NDUFS4: variants seen among roughly 807,000 people sequenced by gnomAD.
The protein encoded by NDUFS4 is NADH dehydrogenase [ubiquinone] iron-sulfur protein 4, mitochondrial.
NDUFS4 carries 28 observed loss-of-function variants against 24.3 expected under a neutral mutation model. The ratio of observed to expected loss-of-function variants is 1.15; its 90% CI spans 0.85 to 1.58. NDUFS4 has a LOEUF of 1.58. Ranked by LOEUF, NDUFS4 falls within the 40% of genes most tolerant of loss-of-function variation. The pLI is 0.00. For synonymous variants in NDUFS4, 93 were observed against 69.7 expected (o/e 1.34, Z -1.67); for missense variants, 223 against 207.9 (o/e 1.07, Z -0.45).
At chr5:53,583,510 G>T (rs1409090677) in intron 1 of NDUFS4, among the ~76,000 whole-genome samples, 1 of 152,130 alleles carries the variant, frequency 6.6e-6, no homozygotes, top group Non-Finnish European at 1.5e-5. Flanking sequence ...TGTGATTTTA[G>T]AATAGCAGAA....
At chr5:53,654,860 G>A (rs1210986740) in intron 3 of NDUFS4, among the ~76,000 whole-genome samples, 1 of 152,118 alleles carries the variant, frequency 6.6e-6, no homozygotes, top group African/African-American at 2.4e-5. Flanking sequence ...GATCTGTTTT[G>A]AATAATATTA....
chr5:53,565,942 G>T (rs545754387), intron 1 of NDUFS4, among the ~76,000 whole-genome samples: 1 of 152,308 alleles, frequency 6.6e-6, no homozygotes, highest in South Asian at 2.1e-4. Flanking sequence ...GGGAGGCCAA[G>T]GCGGGTGGAT....
At position 53,619,623 on chromosome 5, in the gene NDUFS4, G is replaced by A. The variant is rs1440690646; in HGVS notation, c.177+16093G>A. Among the ~76,000 whole-genome samples, 3 of 150,924 alleles carry A rather than the reference G, an allele frequency of 2.0e-5. No individual in the cohort carries two copies. The East Asian group carries it at 5.8e-4, about 29-fold the overall frequency. On this transcript the variant is annotated intron_variant, in intron 2 of 4. Coordinates refer to ENST00000296684, the MANE Select transcript of NDUFS4 (RefSeq NM_002495.4). ...AAACATTAATTTGGAAATGAAGAAA[G>A]CATAATGAAGAAAATTAAAATCACC... is the stretch of plus-strand genomic sequence containing the variant.
Position 53,614,166 on chromosome 5 carries a change from A to G in NDUFS4, c.177+10636A>G, listed in dbSNP as rs61695021. On this transcript the variant is annotated intron_variant, in intron 2 of 4. Transcript: ENST00000296684. ...ATTTTAAAACCTGTTATATTTAACTATGATGATCATTAAAACAAGTCAGTT... is the reference window on the plus strand; with the variant it reads ...ATTTTAAAACCTGTTATATTTAACTGTGATGATCATTAAAACAAGTCAGTT... 7.3e-3 allele frequency among the ~76,000 whole-genome samples: 1,109 copies of G among 152,094 alleles called. 14 individuals carry two copies. Among genetic ancestry groups the G allele is most frequent in the African/African-American group, 0.025 (1,059 of 41,566 alleles).
At chr5:53,624,102 C>T (rs1429892954) in intron 2 of NDUFS4, among the ~76,000 whole-genome samples, 1 of 152,150 alleles carries the variant, frequency 6.6e-6, no homozygotes, top group African/African-American at 2.4e-5. Flanking sequence ...CCAGTTTTCC[C>T]AGCACCATTT....
chr5:53,587,100 A>G (rs1749782799), intron 1 of NDUFS4, among the ~76,000 whole-genome samples: 2 of 152,136 alleles, frequency 1.3e-5, no homozygotes, highest in Admixed American at 6.5e-5. Context: ...CTGGGATTAC[A>G]GGCGTGAACC....
chr5:53,632,362 AC>A (rs1751434527), intron 2 of NDUFS4, among the ~76,000 whole-genome samples: 1 of 152,186 alleles, frequency 6.6e-6, no homozygotes, highest in Admixed American at 6.5e-5. Flanking sequence ...TCTTCTTCTT[AC>A]GTTTTACCTT....
chr5:53,632,332 A>G lies in NDUFS4; in HGVS notation c.178-13901A>G, dbSNP rs148437050. Among the ~76,000 whole-genome samples, 712 of 152,264 alleles carry G rather than the reference A, an allele frequency of 4.7e-3. 5 individuals carry two copies. The highest frequency in any genetic ancestry group is 0.016 in the African/African-American group (685 of 41,544). Reference sequence around the variant, plus strand: ...TTTAGTGATTGATATTAAGCATTGTATGGGCAGTCATAGAGTTGCTCTTCT... The same window carrying G: ...TTTAGTGATTGATATTAAGCATTGTGTGGGCAGTCATAGAGTTGCTCTTCT... On this transcript the variant is annotated intron_variant, in intron 2 of 4. Coordinates refer to ENST00000296684, the MANE Select transcript of NDUFS4 (RefSeq NM_002495.4).
At chr5:53,665,398 T>C (rs1459426394) in intron 4 of NDUFS4, among the ~76,000 whole-genome samples, 1 of 152,220 alleles carries the variant, frequency 6.6e-6, no homozygotes, top group Non-Finnish European at 1.5e-5. Flanking sequence ...TGTTGCCTTT[T>C]GTTTGGCTAT....
At chr5:53,661,724 C>T (rs947455259) in intron 4 of NDUFS4, among the ~76,000 whole-genome samples, 2 of 152,064 alleles carry the variant, frequency 1.3e-5, no homozygotes, top group African/African-American at 2.4e-5. Context: ...CACGAAGTCC[C>T]GTGTAAGTTG....
intron 1 of NDUFS4, among the ~76,000 whole-genome samples, chr5:53,594,871 T>TG (rs1750084579): frequency 3.2e-5 from 4 of 123,770 alleles, no homozygotes; most frequent in African/African-American, 9.9e-5. Flanking sequence ...TATGTCTGTG[T>TG]TTGTGTGTGT....
intron 1 of NDUFS4, among the ~76,000 whole-genome samples, chr5:53,587,824 C>T (rs150347264): frequency 1.0e-3 from 158 of 152,226 alleles, no homozygotes; most frequent in African/African-American, 3.6e-3. Flanking sequence ...AGGGATCCAC[C>T]GGCCTCAGTC....
intron 2 of NDUFS4, 33 bp downstream of exon 2, chr5:53,603,563 C>G (rs1169448872): frequency 6.5e-7 from 1 of 1,536,648 alleles, no homozygotes; most frequent in Admixed American, 1.7e-5. Context: ...TGCTATGGTT[C>G]TGCCTTCAGG....
chr5:53,563,066 A>G (rs112764315), intron 1 of NDUFS4, among the ~76,000 whole-genome samples: 3 of 149,622 alleles, frequency 2.0e-5, no homozygotes, highest in African/African-American at 4.9e-5. Context: ...CGTCTCTACT[A>G]AAAATACAAA....
chr5:53,588,376 A>T (rs1191771478), intron 1 of NDUFS4, among the ~76,000 whole-genome samples: 1 of 152,170 alleles, frequency 6.6e-6, no homozygotes, highest in Non-Finnish European at 1.5e-5. Context: ...CAGCTCCTTC[A>T]TGCCAATTAC....
intron 2 of NDUFS4, among the ~76,000 whole-genome samples, chr5:53,618,347 T>A (rs1447152543): frequency 6.6e-6 from 1 of 152,144 alleles, no homozygotes; most frequent in African/African-American, 2.4e-5. Flanking sequence ...TTTTTGCTAC[T>A]TGGAGTTGTT....
In NDUFS4 at chr5:53,668,854, C is replaced by G. The variant is rs553885656; in HGVS notation, c.424+10230C>G. On this transcript the variant is annotated intron_variant, in intron 4 of 4. Transcript: ENST00000296684. ...AAGTAACAAACACTAAATCATGAGC[C>G]AGGCACTATGCTAAGTGCTTTTCAT... Among the ~76,000 whole-genome samples, 28 of 152,186 alleles carry G rather than the reference C, an allele frequency of 1.8e-4. 1 individual carries two copies. The highest frequency in any genetic ancestry group is 3.4e-3 in the Middle Eastern group (1 of 294).
chr5:53,560,873 T>G, intron 1 of NDUFS4, 113 bp downstream of exon 1: 2 of 1,564,326 alleles, frequency 1.3e-6, no homozygotes, highest in Non-Finnish European at 1.7e-6. Context: ...CTGTTGACCC[T>G]TTTCTCGGGA....
chr5:53,658,643 T>C lies in NDUFS4; in HGVS notation c.424+19T>C. The C allele has an allele frequency of 6.3e-7, 1 of 1,592,318 alleles. No individual in the cohort carries two copies. Among genetic ancestry groups the C allele is most frequent in the Non-Finnish European group, 8.6e-7 (1 of 1,160,544 alleles). ...AAAAATGGTATGTTTGGTCTGTTTTTGACAAAGTCAAGATAATGATTTTAT... is the reference window on the plus strand; with the variant it reads ...AAAAATGGTATGTTTGGTCTGTTTTCGACAAAGTCAAGATAATGATTTTAT... On this transcript the variant is annotated intron_variant, in intron 4 of 4. Transcript: ENST00000296684.
Sources: gnomAD v4.1 joint callset for allele counts (sites outside exome capture counted in the v4.1 genomes callset) on GRCh38, gnomAD v4.1.1 for gene constraint, MANE v1.5 for transcripts, NCBI Gene and HGNC (gene_info 2026-07-23, HGNC 2026-07-21) for gene names.